The following PGR variants were observed in gnomAD, a reference collection of about 807,000 sequenced individuals.
PGR encodes the protein nuclear receptor subfamily 3 group C member 3.
Under a neutral mutation model 76.1 loss-of-function variants are expected in PGR, and 25 were observed. The observed-to-expected ratio is 0.33, with a 90% CI of 0.24 to 0.46. The LOEUF is 0.46. PGR is among the 20% of genes least tolerant of loss of function. The pLI is 1.00. For missense variants in PGR, 1,172 were observed against 1,225.3 expected, an observed-to-expected ratio of 0.96 and a Z score of 0.65; for synonymous variants, 579 against 535.0, an observed-to-expected ratio of 1.08 and a Z score of -1.14.
At chr11:101,109,296 C>T (rs1949565715) in intron 2 of PGR, among the ~76,000 whole-genome samples, 1 of 152,114 alleles carries the variant, frequency 6.6e-6, no homozygotes. Context: ...GGAGGAATGT[C>T]AAAAGCCAAG....
At position 101,126,173 on chromosome 11, in the gene PGR, C is replaced by G. The variant is rs759352708; in HGVS notation, c.1638-15G>C. The G allele has an allele frequency of 5.6e-6, 9 of 1,613,108 alleles. No individual in the cohort carries two copies. The highest frequency in any genetic ancestry group is 1.7e-5 in the Admixed American group (1 of 59,968). ...CTGAATCCGGCCTTGAAATGCAAAA[C>G]AAAGTACTCCATTTATTTTTAAGTG... On this transcript the variant is annotated splice_polypyrimidine_tract_variant and intron_variant, in intron 1 of 7. Transcript: ENST00000325455.
intron 3 of PGR, among the ~76,000 whole-genome samples, chr11:101,075,741 C>T (rs1053973799): frequency 1.3e-5 from 2 of 151,176 alleles, no homozygotes; most frequent in African/African-American, 4.8e-5. Flanking sequence ...CATCACTGGT[C>T]GAAATGCAAA....
At chr11:101,065,614 A>C (rs1860683612) in intron 3 of PGR, among the ~76,000 whole-genome samples, 1 of 152,146 alleles carries the variant, frequency 6.6e-6, no homozygotes, top group Non-Finnish European at 1.5e-5. Flanking sequence ...ATATTTTTGC[A>C]CCTCTGAAAA....
At chr11:101,114,468 T>C (rs1015710386) in intron 2 of PGR, among the ~76,000 whole-genome samples, 22 of 152,318 alleles carry the variant, frequency 1.4e-4, no homozygotes, top group African/African-American at 5.3e-4. Flanking sequence ...GAGGACATTA[T>C]GTAGAATATA....
At position 101,127,899 on chromosome 11, in the gene PGR, T is replaced by G; in HGVS notation, c.1172A>C (p.Glu391Ala). 6.2e-7 allele frequency: 1 copy of G among 1,600,776 alleles called. No individual in the cohort carries two copies. Among genetic ancestry groups the G allele is most frequent in the Non-Finnish European group, 8.5e-7 (1 of 1,175,086 alleles). ...GCGCGCGGAGGCCTCCGCGCCTTCC[T>G]CCTCCTCCTTTATCTTTAGAGCGGG... ...QPPALKIKEE[E>A]EGAEASARSP... Residue 391 changes from glutamate (E) to alanine (A), a missense_variant, in exon 1 of 8, where the codon GAG becomes GCG. By Grantham distance (107) the Glu-to-Ala change is moderately radical. Transcript: ENST00000325455.
chr11:101,126,491 ATGT>A (rs1175909896), intron 1 of PGR, among the ~76,000 whole-genome samples: 3 of 152,224 alleles, frequency 2.0e-5, no homozygotes, highest in Admixed American at 2.0e-4. Context: ...GACAAATGAA[ATGT>A]TATGTCCTTC....
rs1440787290 is a variant in PGR at position 101,036,233 on chromosome 11, T to A, written c.*2883A>T. ...TCATCATATTTCCATATCATCTGTA[T>A]AGCAATAAATTATCTTAATGTTAAA... is the stretch of plus-strand genomic sequence containing the variant. On this transcript the variant is annotated 3_prime_UTR_variant, in exon 8 of 8. Coordinates refer to ENST00000325455, the MANE Select transcript of PGR (RefSeq NM_000926.4). The A allele has an allele frequency of 4.5e-6, 1 of 221,254 alleles. No individual in the cohort carries two copies. The highest frequency in any genetic ancestry group is 6.7e-5 in the East Asian group (1 of 14,976). The allele number at this position is 221,254 out of a possible 1,614,324, so 13.7% of individuals were successfully genotyped here. A position where few individuals can be genotyped will look rare whatever the true frequency, so the allele number is the denominator to read the frequency against.
intron 3 of PGR, 139 bp from the exon 4 acceptor site, chr11:101,062,891 G>A (rs1358651111): frequency 5.1e-6 from 3 of 591,888 alleles, no homozygotes; most frequent in South Asian, 2.5e-5. Context: ...AAAAGTGTTA[G>A]ATATTAAAAT....
intron 3 of PGR, among the ~76,000 whole-genome samples, chr11:101,079,877 G>GC (rs1861244690): frequency 1.4e-5 from 2 of 146,984 alleles, no homozygotes; most frequent in Non-Finnish European, 1.5e-5. Flanking sequence ...GGTGCAGGGG[G>GC]CCCCTCTCTA....
At chr11:101,070,289 G>T (rs190699408) in intron 3 of PGR, among the ~76,000 whole-genome samples, 1 of 152,146 alleles carries the variant, frequency 6.6e-6, no homozygotes, top group Non-Finnish European at 1.5e-5. Context: ...AATGTGTTCC[G>T]GCCCAGATAC....
At position 101,129,175 on chromosome 11, in the gene PGR, G is replaced by T; in HGVS notation, c.-105C>A. ...GGGGCAGAGGGAGGAGAAAGTGGGTGTTGAATGTGGCTGGACCGGAGGGAT... is the reference window on the plus strand; with the variant it reads ...GGGGCAGAGGGAGGAGAAAGTGGGTTTTGAATGTGGCTGGACCGGAGGGAT... On this transcript the variant is annotated 5_prime_UTR_variant, in exon 1 of 8. Coordinates refer to ENST00000325455, the MANE Select transcript of PGR (RefSeq NM_000926.4). 1 of 671,248 alleles carries T rather than the reference G, an allele frequency of 1.5e-6. No homozygotes were observed. The highest frequency in any genetic ancestry group is 1.9e-5 in the African/African-American group (1 of 51,892). 41.6% of individuals were successfully genotyped at this position (671,248 alleles called of 1,614,324 possible).
Position 101,120,268 on chromosome 11 carries a change from A to T in PGR, c.1789+5739T>A, listed in dbSNP as rs565427265. ...AAAGACAGGGTCTGCATACATTTTC[A>T]TCTTCAGTCCCAGCACAAGCAACTT... is the stretch of plus-strand genomic sequence containing the variant. On this transcript the variant is annotated intron_variant, in intron 2 of 7. Coordinates refer to ENST00000325455, the MANE Select transcript of PGR (RefSeq NM_000926.4). Among the ~76,000 whole-genome samples the T allele has an allele frequency of 3.2e-4, 48 of 152,330 alleles. 2 individuals are homozygous for T. The South Asian group carries it at 9.7e-3, about 31-fold the overall frequency.
At chr11:101,073,489 C>T (rs1181152484) in intron 3 of PGR, among the ~76,000 whole-genome samples, 3 of 150,722 alleles carry the variant, frequency 2.0e-5, no homozygotes, top group Non-Finnish European at 4.4e-5. Context: ...AGAGCAGAAC[C>T]GAAGGAGATA....
At chr11:101,050,166 A>G in intron 5 of PGR, 107 bp from the exon 6 acceptor site, 1 of 1,111,014 alleles carries the variant, frequency 9.0e-7, no homozygotes. Context: ...ATTACCTTAC[A>G]TATTATTGAA....
At chr11:101,114,587 G>T (rs1340893607) in intron 2 of PGR, among the ~76,000 whole-genome samples, 1 of 152,088 alleles carries the variant, frequency 6.6e-6, no homozygotes, top group Non-Finnish European at 1.5e-5. Flanking sequence ...TATTCTGCAT[G>T]GTGCTTTTAG....
chr11:101,086,314 C>T (rs1861499080), intron 3 of PGR, among the ~76,000 whole-genome samples: 1 of 148,856 alleles, frequency 6.7e-6, no homozygotes, highest in Admixed American at 6.7e-5. Flanking sequence ...TATGATTTAC[C>T]ACATGAGAAG....
At chr11:101,127,178 CAAAA>C (rs961395926) in intron 1 of PGR, 4 of 320,396 alleles carry the variant, frequency 1.2e-5, no homozygotes, top group African/African-American at 8.6e-5. Flanking sequence ...AAAAAACAAA[CAAAA>C]AAACAGCTTT....
rs543549516 is a variant in PGR, at chr11:101,049,347, ACT to A, written c.2488+580_2488+581del. Reference sequence around the variant, plus strand: ...TAACTTAAAAAAAGTAGAAGTAGTGACTCTCAATAGAAAAGTATACTACAGTA... The same window carrying A: ...TAACTTAAAAAAAGTAGAAGTAGTGACTCAATAGAAAAGTATACTACAGTA... On this transcript the variant is annotated intron_variant, in intron 6 of 7. Transcript: ENST00000325455. Among the ~76,000 whole-genome samples the A allele has an allele frequency of 2.2e-3, 342 of 152,180 alleles. 3 individuals are homozygous for A. Among genetic ancestry groups the A allele is most frequent in the Middle Eastern group, 3.4e-3 (1 of 294 alleles).
In PGR at chr11:101,031,325, G is replaced by A; in HGVS notation, c.*7791C>T. The A allele has an allele frequency of 4.5e-6, 1 of 222,574 alleles. No homozygotes were observed. Among genetic ancestry groups the A allele is most frequent in the Non-Finnish European group, 9.0e-6 (1 of 111,430 alleles). The allele number at this position is 222,574 out of a possible 1,614,324, so 13.8% of individuals were successfully genotyped here. A position where few individuals can be genotyped will look rare whatever the true frequency, so the allele number is the denominator to read the frequency against. On this transcript the variant is annotated 3_prime_UTR_variant, in exon 8 of 8. Transcript: ENST00000325455. ...ACTGGTGTATGGCCAGTGAGGACCT[G>A]GAGAAAGAAACCTCCTTCCCACAGC... is the stretch of plus-strand genomic sequence containing the variant.
Sources: gnomAD v4.1 joint callset for allele counts (sites outside exome capture counted in the v4.1 genomes callset) on GRCh38, gnomAD v4.1.1 for gene constraint, MANE v1.5 for transcripts, NCBI Gene and HGNC (gene_info 2026-07-23, HGNC 2026-07-21) for gene names.